SLC4A10: variants seen among roughly 807,000 people sequenced by gnomAD.
The protein encoded by SLC4A10 is solute carrier family 4 member 10.
A neutral mutation model predicts 137.7 loss-of-function variants in SLC4A10; 42 were observed. The observed-to-expected ratio is 0.30, with a 90% CI of 0.24 to 0.39. The LOEUF is 0.39. Ranked by LOEUF, SLC4A10 falls within the 10% of genes least tolerant of loss-of-function variation. SLC4A10 has a pLI of 1.00. For missense variants in SLC4A10, 925 were observed against 1,355.0 expected (o/e 0.68, Z 4.98); for synonymous variants, 474 against 464.1 (o/e 1.02, Z -0.27).
chr2:161,768,610 C>A (rs1041551496), intron 1 of SLC4A10, among the ~76,000 whole-genome samples: 3 of 151,934 alleles, frequency 2.0e-5, no homozygotes, highest in African/African-American at 7.2e-5. Context: ...TGTTTACTGA[C>A]CTAGAACCTG....
At chr2:161,744,614 T>C (rs148666260) in intron 1 of SLC4A10, among the ~76,000 whole-genome samples, 2 of 152,152 alleles carry the variant, frequency 1.3e-5, no homozygotes, top group Non-Finnish European at 2.9e-5. Flanking sequence ...TTAAAGCTAC[T>C]ATGAGGCTTG....
At chr2:161,712,432 G>A (rs1574502625) in intron 1 of SLC4A10, among the ~76,000 whole-genome samples, 1 of 151,340 alleles carries the variant, frequency 6.6e-6, no homozygotes, top group East Asian at 1.9e-4. Flanking sequence ...AAATAATAGG[G>A]GCAAATTTAC....
At chr2:161,724,476 A>G (rs2046015542) in intron 1 of SLC4A10, among the ~76,000 whole-genome samples, 1 of 152,202 alleles carries the variant, frequency 6.6e-6, no homozygotes, top group African/African-American at 2.4e-5. Flanking sequence ...TACTTTGTGA[A>G]CATCTATTAT....
At chr2:161,944,887 G>T (rs1373159670) in intron 16 of SLC4A10, among the ~76,000 whole-genome samples, 1 of 151,178 alleles carries the variant, frequency 6.6e-6, no homozygotes, top group African/African-American at 2.4e-5. Flanking sequence ...TGAACTAGTG[G>T]CTATCACAAC....
At chr2:161,728,680 CA>C (rs1206203680) in intron 1 of SLC4A10, among the ~76,000 whole-genome samples, 2 of 152,008 alleles carry the variant, frequency 1.3e-5, no homozygotes, top group East Asian at 3.9e-4. Flanking sequence ...AAATAGAAGA[CA>C]AAAAAGACAC....
At chr2:161,884,027 A>T (rs2062023133) in intron 10 of SLC4A10, among the ~76,000 whole-genome samples, 1 of 152,154 alleles carries the variant, frequency 6.6e-6, no homozygotes, top group African/African-American at 2.4e-5. Context: ...TGAATAACTT[A>T]TTCTATTTAG....
At chr2:161,843,587 T>G (rs62187742) in intron 4 of SLC4A10, among the ~76,000 whole-genome samples, 9,227 of 152,126 alleles carry the variant, frequency 0.061, 366 homozygotes, top group East Asian at 0.13. Flanking sequence ...ACATATTTAT[T>G]GAGGATTTCG....
intron 17 of SLC4A10, 99 bp downstream of exon 17, chr2:161,947,826 G>A (rs1416741289): frequency 1.5e-6 from 2 of 1,312,750 alleles, no homozygotes; most frequent in Non-Finnish European, 2.1e-6. Context: ...TTTTGTGTGA[G>A]TGAGCTGCCA....
Position 161,847,725 on chromosome 2 carries a change from A to G in SLC4A10, c.417-7245A>G, listed in dbSNP as rs150347241. On this transcript the variant is annotated intron_variant, in intron 4 of 26. Coordinates refer to ENST00000446997, the MANE Select transcript of SLC4A10 (RefSeq NM_001178015.2). ...CCATTATCTCATTTTTTATAGCTGC[A>G]TATTATTGCATGGTGTATATGTACT... 7.3e-3 allele frequency among the ~76,000 whole-genome samples: 1,113 copies of G among 152,256 alleles called. 4 individuals carry two copies. Among genetic ancestry groups the G allele is most frequent in the Non-Finnish European group, 0.013 (886 of 68,000 alleles).
chr2:161,779,299 C>T (rs1370501920), intron 2 of SLC4A10, among the ~76,000 whole-genome samples: 1 of 151,940 alleles, frequency 6.6e-6, no homozygotes, highest in Non-Finnish European at 1.5e-5. Flanking sequence ...CTGAGCACCT[C>T]CCACTAGGCT....
chr2:161,688,358 C>A (rs2041652117), intron 1 of SLC4A10, among the ~76,000 whole-genome samples: 1 of 152,090 alleles, frequency 6.6e-6, no homozygotes, highest in Non-Finnish European at 1.5e-5. Context: ...GAACAATATT[C>A]TCTGTTTTTG....
chr2:161,927,741 C>G (rs1689441707), intron 15 of SLC4A10, among the ~76,000 whole-genome samples: 1 of 152,170 alleles, frequency 6.6e-6, no homozygotes, highest in South Asian at 2.1e-4. Context: ...TAAAAGAAGA[C>G]ATTTATACAG....
chr2:161,871,377 G>T (rs183786972), intron 6 of SLC4A10, among the ~76,000 whole-genome samples: 2 of 136,788 alleles, frequency 1.5e-5, no homozygotes, highest in East Asian at 4.4e-4. Flanking sequence ...CTTCAGAGTT[G>T]AGTTGTCTTT....
intron 10 of SLC4A10, among the ~76,000 whole-genome samples, chr2:161,894,322 A>C (rs894288872): frequency 6.6e-6 from 1 of 152,092 alleles, no homozygotes; most frequent in African/African-American, 2.4e-5. Flanking sequence ...CACATTTTAC[A>C]AATTTTTATT....
chr2:161,685,272 C>T (rs1408446664), intron 1 of SLC4A10, among the ~76,000 whole-genome samples: 1 of 152,122 alleles, frequency 6.6e-6, no homozygotes, highest in Non-Finnish European at 1.5e-5. Context: ...CATCTCATAT[C>T]CTGGCAGTCA....
rs551982840 is a variant in SLC4A10, at chr2:161,929,067, C to T, written c.1998-13725C>T. Among the ~76,000 whole-genome samples, 30 of 152,204 alleles carry T rather than the reference C, an allele frequency of 2.0e-4. 1 individual carries two copies. The highest frequency in any genetic ancestry group is 7.2e-4 in the African/African-American group (30 of 41,532). ...AATATGCAAATAACTTTCTGTTAAA[C>T]TATAGTACTGGCCCTTTTATTTCTG... On this transcript the variant is annotated intron_variant, in intron 15 of 26. Transcript: ENST00000446997.
chr2:161,753,246 T>G (rs2125315833), intron 1 of SLC4A10, among the ~76,000 whole-genome samples: 1 of 152,282 alleles, frequency 6.6e-6, no homozygotes, highest in South Asian at 2.1e-4. Flanking sequence ...GTGGGCACCC[T>G]GAGCTTTAAT....
chr2:161,894,539 T>C (rs568598235), intron 10 of SLC4A10, 140 bp from the exon 11 acceptor site: 2 of 345,966 alleles, frequency 5.8e-6, no homozygotes, highest in South Asian at 1.4e-4. Flanking sequence ...TTTTACAACA[T>C]AAACTTCTTT....
At chr2:161,727,478 TTAGGA>T (rs2046354516) in intron 1 of SLC4A10, among the ~76,000 whole-genome samples, 1 of 152,070 alleles carries the variant, frequency 6.6e-6, no homozygotes, top group Non-Finnish European at 1.5e-5. Flanking sequence ...AGCCAATACA[TTAGGA>T]AAAAGAAATA....
Sources: allele counts gnomAD v4.1 joint callset (sites outside exome capture counted in the v4.1 genomes callset), GRCh38; gene constraint gnomAD v4.1.1; transcripts MANE v1.5; gene names NCBI Gene and HGNC (gene_info 2026-07-23, HGNC 2026-07-21).